SRGAP1: variants seen among roughly 807,000 people sequenced by gnomAD.
SRGAP1 encodes the protein SLIT-ROBO Rho GTPase-activating protein 1.
In SRGAP1, 43 loss-of-function variants were observed where a neutral mutation model predicts 121.9. That is an observed-to-expected ratio of 0.35 (90% confidence interval 0.28 to 0.46). SRGAP1 has a LOEUF of 0.46. Ranked by LOEUF, SRGAP1 falls within the 20% of genes least tolerant of loss-of-function variation. SRGAP1 has a pLI of 1.00. For missense variants in SRGAP1, 1,102 were observed against 1,350.9 expected (o/e 0.82, Z 2.89); for synonymous variants, 447 against 485.4 (o/e 0.92, Z 1.04).
intron 1 of SRGAP1, among the ~76,000 whole-genome samples, chr12:63,880,000 C>T (rs1900141139): frequency 6.6e-6 from 1 of 152,068 alleles, no homozygotes; most frequent in Non-Finnish European, 1.5e-5. Context: ...CCCATAATCT[C>T]CATGTGTCAT....
intron 18 of SRGAP1, among the ~76,000 whole-genome samples, chr12:64,125,214 A>G (rs1254608222): frequency 2.6e-5 from 4 of 152,234 alleles, no homozygotes; most frequent in Non-Finnish European, 4.4e-5. Flanking sequence ...ATTGTATGGT[A>G]TGCAATCTTT....
At chr12:63,912,797 G>A (rs943707071) in intron 1 of SRGAP1, among the ~76,000 whole-genome samples, 3 of 152,070 alleles carry the variant, frequency 2.0e-5, no homozygotes, top group African/African-American at 7.2e-5. Context: ...ACATTTTAGA[G>A]GTAGTTCAGC....
chr12:63,920,397 T>G (rs1034026510), intron 1 of SRGAP1, among the ~76,000 whole-genome samples: 3 of 152,064 alleles, frequency 2.0e-5, no homozygotes, highest in Admixed American at 6.6e-5. Flanking sequence ...AAGAGAGTCC[T>G]TGTGAATAAA....
chr12:64,043,310 T>C, intron 5 of SRGAP1, 137 bp from the exon 6 acceptor site: 1 of 855,668 alleles, frequency 1.2e-6, no homozygotes, highest in South Asian at 2.0e-5. Context: ...AAAATGTACT[T>C]TTGGCAAAGG....
intron 1 of SRGAP1, among the ~76,000 whole-genome samples, chr12:63,891,983 C>CAAAAAAAAAAA (rs10716009): frequency 1.0e-5 from 1 of 96,316 alleles, no homozygotes; most frequent in Non-Finnish European, 2.1e-5. Flanking sequence ...AAGACTGTCT[C>CAAAAAAAAAAA]AAAAAAAAAA....
chr12:63,988,899 C>G (rs892182617), intron 2 of SRGAP1, among the ~76,000 whole-genome samples: 1 of 152,206 alleles, frequency 6.6e-6, no homozygotes, highest in African/African-American at 2.4e-5. Context: ...CAACCTCGAC[C>G]TCCTAGGTTT....
chr12:63,953,527 C>T (rs776255419), intron 1 of SRGAP1, among the ~76,000 whole-genome samples: 15 of 151,576 alleles, frequency 9.9e-5, no homozygotes, highest in African/African-American at 3.1e-4. Context: ...TTTAGCCTCC[C>T]GAGTAGCTGA....
In SRGAP1 at chr12:64,153,782, A is replaced by G. The variant is rs1002179489; in HGVS notation, c.*11110A>G. On this transcript the variant is annotated 3_prime_UTR_variant, in exon 22 of 22. Coordinates refer to ENST00000355086, the MANE Select transcript of SRGAP1 (RefSeq NM_020762.4). ...AAAAAATTAAAAATAAAACCCTCATATGATCCACCAAGCCCACTTCTGGGT... is the reference window on the plus strand; with the variant it reads ...AAAAAATTAAAAATAAAACCCTCATGTGATCCACCAAGCCCACTTCTGGGT... 9 of 152,302 alleles carry G rather than the reference A, an allele frequency of 5.9e-5. No homozygotes were observed. In the East Asian group the frequency reaches 1.5e-3, roughly 26 times the overall value. The allele number at this position is 152,302 out of a possible 1,614,324, so 9.4% of individuals were successfully genotyped here.
At chr12:63,905,480 G>A (rs1216340438) in intron 1 of SRGAP1, among the ~76,000 whole-genome samples, 2 of 152,210 alleles carry the variant, frequency 1.3e-5, no homozygotes, top group Admixed American at 1.3e-4. Flanking sequence ...AAGTGCATGT[G>A]CCAGAGCTTA....
chr12:63,900,204 CTTTTTTT>C lies in SRGAP1; in HGVS notation c.67+55334_67+55340del, dbSNP rs67622101. Among the ~76,000 whole-genome samples the C allele has an allele frequency of 6.5e-3, 573 of 87,580 alleles. 1 individual carries two copies. The highest frequency in any genetic ancestry group is 0.022 in the African/African-American group (544 of 24,934). The allele number at this position is 87,580 out of a possible 152,430, so 57.5% of individuals were successfully genotyped here. A position where few individuals can be genotyped will look rare whatever the true frequency, so the allele number is the denominator to read the frequency against. ...CTTTTTTCTTTTTCTTTTTCTTTTT[CTTTTTTT>C]TTTTTTTTTTTTGAGGTGGAGCCTC... On this transcript the variant is annotated intron_variant, in intron 1 of 21. Coordinates refer to ENST00000355086, the MANE Select transcript of SRGAP1 (RefSeq NM_020762.4).
At chr12:64,119,307 C>T (rs1404039850) in intron 18 of SRGAP1, among the ~76,000 whole-genome samples, 2 of 152,132 alleles carry the variant, frequency 1.3e-5, no homozygotes, top group African/African-American at 4.8e-5. Context: ...AAATCTTAAT[C>T]GTTCATAAAG....
intron 6 of SRGAP1, among the ~76,000 whole-genome samples, chr12:64,049,973 G>T (rs573011938): frequency 6.6e-6 from 1 of 152,134 alleles, no homozygotes; most frequent in Non-Finnish European, 1.5e-5. Context: ...TCTGTAGACC[G>T]CTTTGGGAAG....
At chr12:64,028,353 G>T (rs757263700) in intron 4 of SRGAP1, among the ~76,000 whole-genome samples, 2 of 152,206 alleles carry the variant, frequency 1.3e-5, no homozygotes, top group Non-Finnish European at 2.9e-5. Flanking sequence ...GACTTGTTGG[G>T]CATGATTAAG....
intron 4 of SRGAP1, among the ~76,000 whole-genome samples, chr12:64,033,036 G>A (rs183173059): frequency 3.7e-4 from 57 of 152,088 alleles, no homozygotes; most frequent in Admixed American, 7.2e-4. Context: ...AAAAAATGCC[G>A]CTCTGTATGA....
intron 1 of SRGAP1, among the ~76,000 whole-genome samples, chr12:63,880,605 A>G (rs1900163733): frequency 1.3e-5 from 2 of 152,160 alleles, no homozygotes; most frequent in Admixed American, 1.3e-4. Flanking sequence ...TGACTAATAC[A>G]GGGGTTCTCA....
Position 64,079,121 on chromosome 12 carries a change from G to T in SRGAP1, c.1323+5G>T. 1 of 1,568,306 alleles carries T rather than the reference G, an allele frequency of 6.4e-7. No homozygotes were observed. ...ACTGAACAGTTCTACTTCATGGTGT[G>T]CCCGCCACTTCCCAAGCCACTCTAC... is the stretch of plus-strand genomic sequence containing the variant. On this transcript the variant is annotated splice_donor_5th_base_variant and intron_variant, in intron 9 of 21. Transcript: ENST00000355086.
At chr12:64,133,526 T>G (rs2036816650) in intron 21 of SRGAP1, among the ~76,000 whole-genome samples, 1 of 152,208 alleles carries the variant, frequency 6.6e-6, no homozygotes, top group Non-Finnish European at 1.5e-5. Flanking sequence ...CAGTGTCCAT[T>G]AGTCCCCAAA....
At chr12:64,107,336 T>G (rs934241139) in intron 15 of SRGAP1, among the ~76,000 whole-genome samples, 4 of 152,188 alleles carry the variant, frequency 2.6e-5, no homozygotes, top group Non-Finnish European at 5.9e-5. Flanking sequence ...GCATCAGCAT[T>G]TTTAATCTCC....
chr12:64,141,021 A>G (rs1459981517), intron 21 of SRGAP1, among the ~76,000 whole-genome samples: 2 of 125,694 alleles, frequency 1.6e-5, no homozygotes, highest in African/African-American at 6.5e-5. Context: ...CTATCGCAAG[A>G]ACAAAAAACC....
Sources: allele counts gnomAD v4.1 joint callset (sites outside exome capture counted in the v4.1 genomes callset), GRCh38; gene constraint gnomAD v4.1.1; transcripts MANE v1.5; gene names NCBI Gene and HGNC (gene_info 2026-07-23, HGNC 2026-07-21).